The following SEL1L2 variants were observed in gnomAD, a reference collection of about 807,000 sequenced individuals.
SEL1L2 encodes the protein SEL1L2 adaptor subunit of SYVN1 ubiquitin ligase.
In SEL1L2, 89 loss-of-function variants were observed where a neutral mutation model predicts 98.8. The observed-to-expected ratio is 0.90, with a 90% CI of 0.76 to 1.07. The LOEUF (loss-of-function observed/expected upper bound fraction) is 1.07. SEL1L2 is among the 50% of genes least tolerant of loss of function. The probability of loss-of-function intolerance (pLI) is 0.00; values close to 1 mark genes in which losing one functional copy is unlikely to be tolerated. For synonymous variants in SEL1L2, 262 were observed against 278.5 expected, an observed-to-expected ratio of 0.94 and a Z score of 0.59; for missense variants, 788 against 812.0, an observed-to-expected ratio of 0.97 and a Z score of 0.36.
chr20:13,952,671 A>G (rs968636209), intron 2 of SEL1L2, among the ~76,000 whole-genome samples: 1 of 152,178 alleles, frequency 6.6e-6, no homozygotes, highest in African/African-American at 2.4e-5. Flanking sequence ...CTAGATGGGT[A>G]GCCATTCATC....
intron 4 of SEL1L2, 113 bp from the exon 5 acceptor site, chr20:13,914,057 G>A: frequency 1.1e-6 from 1 of 922,488 alleles, no homozygotes. Context: ...TTGTCATACA[G>A]TTTAGCTGAA....
chr20:13,933,723 CAGTATCTAGCAG>C (rs996976214), intron 2 of SEL1L2, among the ~76,000 whole-genome samples: 1 of 152,082 alleles, frequency 6.6e-6, no homozygotes, highest in African/African-American at 2.4e-5. Context: ...CCTGGAGCAT[CAGTATCTAGCAG>C]ACAGAAAGAG....
At chr20:13,905,430 C>T (rs2047880571) in intron 5 of SEL1L2, among the ~76,000 whole-genome samples, 1 of 151,440 alleles carries the variant, frequency 6.6e-6, no homozygotes, top group South Asian at 2.1e-4. Context: ...TCTGCCTCAA[C>T]CTCCTGAGTA....
chr20:13,859,329 T>C lies in SEL1L2; in HGVS notation c.1751A>G (p.Lys584Arg), dbSNP rs187317015. Residue 584 changes from lysine to arginine, a missense_variant, in exon 18 of 20, where the codon AAA becomes AGA. Coordinates refer to ENST00000284951, the MANE Select transcript of SEL1L2 (RefSeq NM_025229.2). ...AATHYSIAAN[K>R]YHNAQAMFNL... Reference sequence around the variant, plus strand: ...GAACATGGCTTGCGCGTTGTGGTATTTGTTGGCTGCAATGCTGTAGTGTGT... The same window carrying C: ...GAACATGGCTTGCGCGTTGTGGTATCTGTTGGCTGCAATGCTGTAGTGTGT... 6.2e-7 allele frequency: 1 copy of C among 1,614,214 alleles called. No homozygotes were observed. The highest frequency in any genetic ancestry group is 8.5e-7 in the Non-Finnish European group (1 of 1,180,020).
chr20:13,910,875 C>A (rs2048179098), intron 5 of SEL1L2, among the ~76,000 whole-genome samples: 1 of 152,182 alleles, frequency 6.6e-6, no homozygotes, highest in Admixed American at 6.5e-5. Flanking sequence ...GCTAAAGTAA[C>A]ACAAATTAGA....
chr20:13,850,033 G>A (rs1987964725), intron 19 of SEL1L2, 158 bp downstream of exon 19: 2 of 723,648 alleles, frequency 2.8e-6, no homozygotes, highest in Admixed American at 2.9e-5. Flanking sequence ...AATAGAACAT[G>A]CAGAATTACT....
intron 5 of SEL1L2, among the ~76,000 whole-genome samples, chr20:13,900,814 T>C: frequency 6.6e-6 from 1 of 152,142 alleles, no homozygotes; most frequent in Non-Finnish European, 1.5e-5. Flanking sequence ...TGTTAAATCC[T>C]CCTTGTTTAT....
intron 3 of SEL1L2, chr20:13,928,013 T>A (rs2048972440): frequency 1.3e-5 from 2 of 152,202 alleles, no homozygotes; most frequent in Admixed American, 6.5e-5. Context: ...TTATCTAAGA[T>A]TTCATAGAGC....
intron 3 of SEL1L2, among the ~76,000 whole-genome samples, chr20:13,929,406 T>TGCTATC (rs1278112087): frequency 6.6e-6 from 1 of 151,860 alleles, no homozygotes; most frequent in Non-Finnish European, 1.5e-5. Flanking sequence ...CCCTAAAAGG[T>TGCTATC]CTTTATCCTT....
chr20:13,971,062 G>A (rs1196636203), intron 1 of SEL1L2, among the ~76,000 whole-genome samples: 1 of 149,240 alleles, frequency 6.7e-6, no homozygotes, highest in Admixed American at 6.7e-5. Context: ...TCACATTTGG[G>A]AGCATTTATA....
chr20:13,893,802 T>A (rs1339842085), intron 5 of SEL1L2, among the ~76,000 whole-genome samples: 1 of 152,144 alleles, frequency 6.6e-6, no homozygotes, highest in East Asian at 1.9e-4. Flanking sequence ...CTCAACAAAT[T>A]TAAGAATATT....
At chr20:13,989,931 G>A (rs112571626) in intron 1 of SEL1L2, among the ~76,000 whole-genome samples, 2,902 of 152,160 alleles carry the variant, frequency 0.019, 37 homozygotes, top group Non-Finnish European at 0.032. Flanking sequence ...TTTATCATGA[G>A]CACATTATAT....
chr20:13,947,363 T>G (rs1327224703), intron 2 of SEL1L2, among the ~76,000 whole-genome samples: 1 of 152,154 alleles, frequency 6.6e-6, no homozygotes, highest in East Asian at 1.9e-4. Flanking sequence ...ATGACCTGCC[T>G]GCAGATGGGA....
chr20:13,992,673 T>G (rs1206830757), upstream of SEL1L2, among the ~76,000 whole-genome samples: 1 of 152,142 alleles, frequency 6.6e-6, no homozygotes, highest in Non-Finnish European at 1.5e-5. Context: ...AAAGACTGTA[T>G]TAGCCTGTAT....
chr20:13,915,364 G>T, intron 4 of SEL1L2: 1 of 625,282 alleles, frequency 1.6e-6, no homozygotes, highest in Non-Finnish European at 2.4e-6. Flanking sequence ...GAGGCGGGAA[G>T]GCAAACAAGG....
chr20:13,878,620 T>C (rs2046547998), intron 10 of SEL1L2, among the ~76,000 whole-genome samples: 2 of 152,260 alleles, frequency 1.3e-5, no homozygotes, highest in South Asian at 4.1e-4. Context: ...CATGGAAGTT[T>C]GCTGTAGGAA....
At chr20:13,965,351 T>G (rs113142841) in intron 1 of SEL1L2, among the ~76,000 whole-genome samples, 39 of 152,182 alleles carry the variant, frequency 2.6e-4, no homozygotes, top group African/African-American at 6.7e-4. Flanking sequence ...TGGGAATAAA[T>G]GACTAGAAGT....
chr20:13,956,284 T>C (rs1003165780), intron 1 of SEL1L2, among the ~76,000 whole-genome samples, 153 bp from the exon 2 acceptor site: 2 of 152,168 alleles, frequency 1.3e-5, no homozygotes, highest in Non-Finnish European at 2.9e-5. Context: ...TTCCTAATAA[T>C]GTGTTAAAAA....
rs565134328 is a variant in SEL1L2, at chr20:13,907,365, G to C, written c.549+6417C>G. On this transcript the variant is annotated intron_variant, in intron 5 of 19. Coordinates refer to ENST00000284951, the MANE Select transcript of SEL1L2 (RefSeq NM_025229.2). The stretch of plus-strand genomic sequence containing the variant: ...GGATCACTTGAGGCCAGGAGTTTGA[G>C]ACCAGCCAGAGCAACATAGTGAAAT... 2.0e-5 allele frequency among the ~76,000 whole-genome samples: 3 copies of C among 152,198 alleles called. No individual in the cohort carries two copies. In the East Asian group the frequency reaches 5.8e-4, roughly 29 times the overall value.
Sources: allele counts gnomAD v4.1 joint callset (sites outside exome capture counted in the v4.1 genomes callset), GRCh38; gene constraint gnomAD v4.1.1; transcripts MANE v1.5; gene names NCBI Gene and HGNC (gene_info 2026-07-23, HGNC 2026-07-21).